AK5: variants seen among roughly 807,000 people sequenced by gnomAD.
AK5 encodes the protein adenylate kinase isoenzyme 5.
In AK5, 27 loss-of-function variants were observed where a neutral mutation model predicts 69.5. The ratio of observed to expected loss-of-function variants is 0.39; its 90% confidence interval spans 0.29 to 0.54. AK5 has a LOEUF of 0.54. Among genes scored for constraint, AK5 ranks in the 20% least tolerant of loss-of-function variants. The probability of loss-of-function intolerance (pLI) is 0.71; values close to 1 mark genes in which losing one functional copy is unlikely to be tolerated. For missense variants in AK5, 531 were observed against 700.4 expected, an observed-to-expected ratio of 0.76 and a Z score of 2.73; for synonymous variants, 260 against 244.4, an observed-to-expected ratio of 1.06 and a Z score of -0.60.
At chr1:77,385,300 C>G (rs994475579) in intron 6 of AK5, among the ~76,000 whole-genome samples, 1 of 151,956 alleles carries the variant, frequency 6.6e-6, no homozygotes, top group African/African-American at 2.4e-5. Flanking sequence ...GCTGGGACTA[C>G]AGGTGCCCGC....
At chr1:77,333,550 C>A (rs1053364209) in intron 5 of AK5, among the ~76,000 whole-genome samples, 2 of 148,002 alleles carry the variant, frequency 1.4e-5, no homozygotes, top group Non-Finnish European at 3.0e-5. Context: ...AATCTCCCCC[C>A]CACCATGCTA....
At chr1:77,539,474 C>G (rs1262095867) in intron 13 of AK5, among the ~76,000 whole-genome samples, 1 of 152,164 alleles carries the variant, frequency 6.6e-6, no homozygotes, top group Non-Finnish European at 1.5e-5. Context: ...TCCCACTGCC[C>G]CTGCCCAGGG....
chr1:77,500,881 T>TTTG (rs1656679452), intron 10 of AK5, among the ~76,000 whole-genome samples: 2 of 151,744 alleles, frequency 1.3e-5, no homozygotes, highest in Non-Finnish European at 2.9e-5. Context: ...TTTTGTTTTT[T>TTTG]TTTATGTTCC....
intron 6 of AK5, among the ~76,000 whole-genome samples, chr1:77,350,014 A>T (rs1397407519): frequency 6.6e-6 from 1 of 152,172 alleles, no homozygotes; most frequent in Non-Finnish European, 1.5e-5. Flanking sequence ...CTTTTACTCA[A>T]CAGCTATCTG....
intron 5 of AK5, among the ~76,000 whole-genome samples, chr1:77,302,100 G>A (rs1033018383): frequency 6.6e-6 from 1 of 152,002 alleles, no homozygotes; most frequent in Admixed American, 6.6e-5. Context: ...GGGGCTCCCT[G>A]TGTTACCCAG....
chr1:77,427,241 T>A (rs1651272478), intron 8 of AK5, among the ~76,000 whole-genome samples: 1 of 151,708 alleles, frequency 6.6e-6, no homozygotes, highest in South Asian at 2.1e-4. Flanking sequence ...ATCCATAAAA[T>A]CAATGAGCCT....
intron 9 of AK5, among the ~76,000 whole-genome samples, chr1:77,485,953 A>G (rs1655560302): frequency 1.3e-5 from 2 of 151,978 alleles, no homozygotes; most frequent in East Asian, 3.9e-4. Flanking sequence ...CCCCTCTTTA[A>G]TAAAAATACA....
intron 13 of AK5, among the ~76,000 whole-genome samples, chr1:77,544,857 C>A (rs1201828573): frequency 6.6e-6 from 1 of 152,104 alleles, no homozygotes; most frequent in Non-Finnish European, 1.5e-5. Context: ...GAAACATAGT[C>A]ATTTATTGTC....
At chr1:77,530,036 G>T (rs900949805) in intron 12 of AK5, among the ~76,000 whole-genome samples, 6 of 152,168 alleles carry the variant, frequency 3.9e-5, no homozygotes. Flanking sequence ...GACAGAACCA[G>T]TGTTTCTGTT....
At chr1:77,541,763 C>T (rs1160961904) in intron 13 of AK5, among the ~76,000 whole-genome samples, 3 of 152,226 alleles carry the variant, frequency 2.0e-5, no homozygotes, top group East Asian at 1.9e-4. Context: ...CTTTCTCTGG[C>T]TTATAAGCCA....
At chr1:77,327,308 C>T (rs2100342615) in intron 5 of AK5, among the ~76,000 whole-genome samples, 1 of 151,196 alleles carries the variant, frequency 6.6e-6, no homozygotes, top group Admixed American at 6.6e-5. Context: ...GGAGAATCAC[C>T]TGAGCCAAAG....
Position 77,410,967 on chromosome 1 carries a change from C to CTGATTT in AK5, c.892-13_892-8dup, listed in dbSNP as rs1243049789. The CTGATTT allele has an allele frequency of 1.2e-6, 2 of 1,610,406 alleles. No homozygotes were observed. Among genetic ancestry groups the CTGATTT allele is most frequent in the African/African-American group, 2.7e-5 (2 of 74,782 alleles). On this transcript the variant is annotated splice_polypyrimidine_tract_variant and intron_variant, in intron 6 of 13. Coordinates refer to ENST00000354567, the MANE Select transcript of AK5 (RefSeq NM_174858.3). ...TTCTCACATTCCAAACTTGTCTGTC[C>CTGATTT]TGATTTCCCCCAGTTTGATGCCGAC... is the stretch of plus-strand genomic sequence containing the variant.
At chr1:77,429,682 A>G (rs991369615) in intron 8 of AK5, among the ~76,000 whole-genome samples, 5 of 152,088 alleles carry the variant, frequency 3.3e-5, no homozygotes, top group Admixed American at 6.6e-5. Flanking sequence ...GATGGTCTAG[A>G]TCTCCTGACC....
At chr1:77,410,395 A>G (rs1306124211) in intron 6 of AK5, among the ~76,000 whole-genome samples, 4 of 152,000 alleles carry the variant, frequency 2.6e-5, no homozygotes, top group Non-Finnish European at 5.9e-5. Context: ...CTCGTGCCTC[A>G]GCCTCCCTAG....
chr1:77,534,607 A>G (rs897728117), intron 12 of AK5, among the ~76,000 whole-genome samples: 6 of 152,328 alleles, frequency 3.9e-5, no homozygotes, highest in African/African-American at 1.4e-4. Context: ...GAATGAGAAG[A>G]CTCAGATGCA....
At chr1:77,491,112 G>A (rs1655966951) in intron 10 of AK5, among the ~76,000 whole-genome samples, 1 of 151,846 alleles carries the variant, frequency 6.6e-6, no homozygotes, top group Admixed American at 6.6e-5. Flanking sequence ...ACTTTGGGAG[G>A]TATTTTGGCA....
chr1:77,483,036 A>T lies in AK5; in HGVS notation c.1060-281A>T, dbSNP rs529581060. Among the ~76,000 whole-genome samples, 497 of 106,766 alleles carry T rather than the reference A, an allele frequency of 4.7e-3. 6 individuals are homozygous for T. The highest frequency in any genetic ancestry group is 0.018 in the African/African-American group (485 of 27,302). 70.0% of individuals were successfully genotyped at this position (106,766 alleles called of 152,430 possible). On this transcript the variant is annotated intron_variant, in intron 8 of 13. Transcript: ENST00000354567. ...AAAAAAAAAAAAAAAAAAAAAAAAA[A>T]AAAAGAGGTGAGATACTGTACTGGT... is the stretch of plus-strand genomic sequence containing the variant.
At chr1:77,524,182 T>G (rs747755664) in intron 12 of AK5, among the ~76,000 whole-genome samples, 3 of 152,250 alleles carry the variant, frequency 2.0e-5, no homozygotes, top group Non-Finnish European at 4.4e-5. Context: ...TTCATTCACC[T>G]ATCGATAGAG....
intron 6 of AK5, among the ~76,000 whole-genome samples, chr1:77,373,318 C>T (rs1394512290): frequency 1.3e-5 from 2 of 152,142 alleles, no homozygotes; most frequent in East Asian, 1.9e-4. Flanking sequence ...ATGCTCTAAC[C>T]GTAAATTCCT....
Sources: allele counts gnomAD v4.1 joint callset (sites outside exome capture counted in the v4.1 genomes callset), GRCh38; gene constraint gnomAD v4.1.1; transcripts MANE v1.5; gene names NCBI Gene and HGNC (gene_info 2026-07-23, HGNC 2026-07-21).